The following MAGI3 variants were observed in gnomAD, a reference collection of about 807,000 sequenced individuals.
MAGI3 encodes the protein membrane-associated guanylate kinase, WW and PDZ domain-containing protein 3.
Under a neutral mutation model 121.8 loss-of-function variants are expected in MAGI3, and 43 were observed. The ratio of observed to expected loss-of-function variants is 0.35; its 90% CI spans 0.28 to 0.46. The LOEUF is 0.46. Ranked by LOEUF, MAGI3 falls within the 20% of genes least tolerant of loss-of-function variation. The pLI is 1.00. For synonymous variants in MAGI3, 553 were observed against 639.3 expected, an observed-to-expected ratio of 0.86 and a Z score of 2.04; for missense variants, 1,547 against 1,797.3, an observed-to-expected ratio of 0.86 and a Z score of 2.52.
chr1:113,531,415 G>A (rs908447211), intron 1 of MAGI3, among the ~76,000 whole-genome samples: 1 of 152,042 alleles, frequency 6.6e-6, no homozygotes, highest in Admixed American at 6.6e-5. Context: ...CTTGTTGTGG[G>A]CCTCAAGGGT....
chr1:113,409,607 A>G (rs1651870997), intron 1 of MAGI3, among the ~76,000 whole-genome samples: 1 of 152,022 alleles, frequency 6.6e-6, no homozygotes, highest in Admixed American at 6.6e-5. Flanking sequence ...CAACATAGGT[A>G]AGATTGTAAA....
At chr1:113,405,572 A>G (rs1156319684) in intron 1 of MAGI3, among the ~76,000 whole-genome samples, 4 of 149,646 alleles carry the variant, frequency 2.7e-5, no homozygotes, top group Non-Finnish European at 5.9e-5. Context: ...TTTTTCATGT[A>G]TAAACATTGT....
chr1:113,660,811 G>A (rs1457740679), intron 16 of MAGI3, among the ~76,000 whole-genome samples: 3 of 141,978 alleles, frequency 2.1e-5, no homozygotes, highest in African/African-American at 2.7e-5. Context: ...ACTGTGTTGC[G>A]TAGTCTGGTC....
intron 1 of MAGI3, among the ~76,000 whole-genome samples, 164 bp from the exon 2 acceptor site, chr1:113,549,351 A>G (rs1365225611): frequency 2.0e-5 from 3 of 152,216 alleles, no homozygotes; most frequent in South Asian, 4.1e-4. Flanking sequence ...TATAGTACCT[A>G]TAAATAATTT....
Position 113,683,421 on chromosome 1 carries a change from C to T in MAGI3, c.3853C>T (p.Arg1285Trp), listed in dbSNP as rs368369545. 5.1e-5 allele frequency: 83 copies of T among 1,613,784 alleles called. No individual in the cohort carries two copies. Among genetic ancestry groups the T allele is most frequent in the Non-Finnish European group, 6.8e-5 (80 of 1,179,902 alleles). ...GQDQCRKSRG[R>W]SASPKKQQKI... ...AGATCAGTGCAGAAAAAGCAGAGGT[C>T]GGTCGGCCAGCCCAAAAAAGCAGCA... The change falls in exon 21 of 21, where the codon CGG becomes TGG. Residue 1285 changes from arginine (R) to tryptophan (W), a missense_variant. Coordinates refer to ENST00000307546, the MANE Select transcript of MAGI3 (RefSeq NM_001142782.2).
At chr1:113,540,057 C>T (rs1316974501) in intron 1 of MAGI3, among the ~76,000 whole-genome samples, 2 of 152,124 alleles carry the variant, frequency 1.3e-5, no homozygotes, top group Non-Finnish European at 2.9e-5. Flanking sequence ...ATCTCAGCTT[C>T]TCAAAAGTGC....
At position 113,419,390 on chromosome 1, in the gene MAGI3, C is replaced by A. The variant is rs186093687; in HGVS notation, c.316+28041C>A. Among the ~76,000 whole-genome samples, 610 of 152,164 alleles carry A rather than the reference C, an allele frequency of 4.0e-3. 4 individuals are homozygous for A. The highest frequency in any genetic ancestry group is 0.014 in the African/African-American group (574 of 41,506). On this transcript the variant is annotated intron_variant, in intron 1 of 20. Transcript: ENST00000307546. ...GAATAGAGGAATGAGGCCTTTTTAT[C>A]TTTTAGAAGATCAGAACTGTTCAGA...
At chr1:113,571,112 G>A (rs917713533) in intron 2 of MAGI3, among the ~76,000 whole-genome samples, 5 of 152,082 alleles carry the variant, frequency 3.3e-5, no homozygotes, top group African/African-American at 1.2e-4. Context: ...TCTGCATATG[G>A]CTAGCCAGTT....
intron 1 of MAGI3, among the ~76,000 whole-genome samples, chr1:113,480,032 C>T (rs1398058975): frequency 1.3e-5 from 2 of 152,024 alleles, no homozygotes; most frequent in African/African-American, 4.8e-5. Flanking sequence ...TCTGGATTCT[C>T]TTGTAGCTCA....
At chr1:113,485,895 C>G (rs188323237) in intron 1 of MAGI3, among the ~76,000 whole-genome samples, 2 of 152,110 alleles carry the variant, frequency 1.3e-5, no homozygotes, top group Admixed American at 6.5e-5. Context: ...TTGCCAATTA[C>G]CCTGGCACTA....
chr1:113,515,703 A>G (rs1657864454), intron 1 of MAGI3, among the ~76,000 whole-genome samples: 1 of 152,136 alleles, frequency 6.6e-6, no homozygotes. Context: ...CTGATTCCAA[A>G]GCCTGTGTGC....
chr1:113,557,650 A>G (rs2101682278), intron 2 of MAGI3, among the ~76,000 whole-genome samples: 1 of 152,308 alleles, frequency 6.6e-6, no homozygotes, highest in Non-Finnish European at 1.5e-5. Flanking sequence ...TCCAACCTGT[A>G]GGCCTTGGAG....
intron 1 of MAGI3, chr1:113,449,940 C>T (rs757669367): frequency 7.7e-5 from 117 of 1,520,002 alleles, no homozygotes; most frequent in South Asian, 8.9e-5. Flanking sequence ...GGTTGATGGG[C>T]GTGTAGTGGA....
At chr1:113,572,757 T>C (rs1647378909) in intron 2 of MAGI3, among the ~76,000 whole-genome samples, 1 of 152,196 alleles carries the variant, frequency 6.6e-6, no homozygotes. Context: ...TATCATTTTT[T>C]ATTGCATTTA....
At chr1:113,470,381 A>C (rs1385043259) in intron 1 of MAGI3, among the ~76,000 whole-genome samples, 2 of 152,190 alleles carry the variant, frequency 1.3e-5, no homozygotes, top group Non-Finnish European at 2.9e-5. Flanking sequence ...GGGGAAAAAA[A>C]CAAGTGGAAA....
Position 113,588,312 on chromosome 1 carries a change from A to G in MAGI3, c.764-2172A>G, listed in dbSNP as rs569542484. On this transcript the variant is annotated intron_variant, in intron 4 of 20. Coordinates refer to ENST00000307546, the MANE Select transcript of MAGI3 (RefSeq NM_001142782.2). Reference sequence around the variant, plus strand: ...ATACCTAGAATATTCAGGCAATAGCAAGGAAACCAGAGTGGTTGGATACAA... The same window carrying G: ...ATACCTAGAATATTCAGGCAATAGCGAGGAAACCAGAGTGGTTGGATACAA... Among the ~76,000 whole-genome samples, 6 of 152,312 alleles carry G rather than the reference A, an allele frequency of 3.9e-5. No individual in the cohort carries two copies. In the South Asian group the frequency reaches 1.2e-3, roughly 32 times the overall value.
chr1:113,534,951 G>C (rs757842921), intron 1 of MAGI3, among the ~76,000 whole-genome samples: 2 of 152,164 alleles, frequency 1.3e-5, no homozygotes, highest in Non-Finnish European at 2.9e-5. Context: ...ATGGTATTCA[G>C]TCACTGGGTC....
At chr1:113,640,584 A>G (rs1448548920) in intron 9 of MAGI3, among the ~76,000 whole-genome samples, 3 of 152,142 alleles carry the variant, frequency 2.0e-5, no homozygotes, top group East Asian at 3.8e-4. Context: ...TTGCAGGGAC[A>G]TAGATGAAGC....
chr1:113,596,549 G>A (rs1649022196), intron 6 of MAGI3, among the ~76,000 whole-genome samples: 1 of 151,954 alleles, frequency 6.6e-6, no homozygotes, highest in Admixed American at 6.6e-5. Flanking sequence ...AAAATGAATA[G>A]ACAAAGTCAC....
Sources: allele counts gnomAD v4.1 joint callset (sites outside exome capture counted in the v4.1 genomes callset), GRCh38; gene constraint gnomAD v4.1.1; transcripts MANE v1.5; gene names NCBI Gene and HGNC (gene_info 2026-07-23, HGNC 2026-07-21).